The following CACNA1H variants were observed in gnomAD, a reference collection of about 807,000 sequenced individuals.
CACNA1H encodes voltage-dependent T-type calcium channel subunit alpha-1H.
In CACNA1H, 149 loss-of-function variants were observed where a neutral mutation model predicts 192.5. The observed-to-expected ratio is 0.77, with a 90% CI of 0.68 to 0.89. The LOEUF (loss-of-function observed/expected upper bound fraction) is 0.89. Among genes scored for constraint, CACNA1H ranks in the 40% least tolerant of loss-of-function variants. CACNA1H has a pLI of 0.00. For synonymous variants in CACNA1H, 2,202 were observed against 1,475.2 expected (o/e 1.49, Z -11.29); for missense variants, 4,257 against 3,423.5 (o/e 1.24, Z -6.08).
intron 2 of CACNA1H, among the ~76,000 whole-genome samples, chr16:1,166,429 G>A (rs1438402939): frequency 6.6e-6 from 1 of 152,216 alleles, no homozygotes; most frequent in African/African-American, 2.4e-5. Flanking sequence ...TGGCCAGCCC[G>A]GCACCAACTC....
intron 2 of CACNA1H, among the ~76,000 whole-genome samples, chr16:1,154,981 C>G (rs1181468115): frequency 6.6e-6 from 1 of 152,188 alleles, no homozygotes; most frequent in Non-Finnish European, 1.5e-5. Flanking sequence ...GCTTCTGCTC[C>G]GGGCCTGGGG....
Position 1,154,027 on chromosome 16 carries a change from T to TGC in CACNA1H, c.290_291insGC (p.Cys98ProfsTer9). 8.5e-7 allele frequency: 1 copy of TGC among 1,182,508 alleles called. No individual in the cohort carries two copies. Among genetic ancestry groups the TGC allele is most frequent in the Non-Finnish European group, 1.1e-6 (1 of 938,210 alleles). 73.3% of individuals were successfully genotyped at this position (1,182,508 alleles called of 1,614,324 possible). ...CCGCGCAGCTGGTGCCTCCGGCTGG[T>TGC]CTGCAACCCATATCCTTCCCGGCCG... On this transcript the variant is annotated frameshift_variant, in exon 2 of 35. Transcript: ENST00000348261. LOFTEE classifies it high-confidence loss of function.
At chr16:1,216,020 G>T (rs2738890) in intron 30 of CACNA1H, among the ~76,000 whole-genome samples, 14,146 of 150,124 alleles carry the variant, frequency 0.094, 904 homozygotes, top group South Asian at 0.24. Flanking sequence ...CCCCTGCCCA[G>T]ATCCTTTCTG....
rs1968884416 is a variant in CACNA1H, at chr16:1,207,528, G to T, written c.3063+98G>T. On this transcript the variant is annotated intron_variant, in intron 14 of 34. Coordinates refer to ENST00000348261, the MANE Select transcript of CACNA1H (RefSeq NM_021098.3). ...GGGTGTGGGGGGCCTGCCAAGAGGT[G>T]AGGGATAGAGAAGGGAAGCTGGCTG... is the stretch of plus-strand genomic sequence containing the variant. The T allele has an allele frequency of 6.1e-6, 8 of 1,313,624 alleles. No homozygotes were observed. The South Asian group carries it at 1.1e-4, about 17-fold the overall frequency. 81.4% of individuals were successfully genotyped at this position (1,313,624 alleles called of 1,614,324 possible).
chr16:1,164,448 C>T (rs1329266936), intron 2 of CACNA1H, among the ~76,000 whole-genome samples: 1 of 152,242 alleles, frequency 6.6e-6, no homozygotes, highest in African/African-American at 2.4e-5. Context: ...CCTCCTGCCT[C>T]AGCCTCCCCA....
At chr16:1,218,679 C>G (rs1217914921) in intron 33 of CACNA1H, 28 bp downstream of exon 33, 2 of 1,333,358 alleles carry the variant, frequency 1.5e-6, no homozygotes, top group Non-Finnish European at 2.0e-6. Flanking sequence ...AAGATATGGG[C>G]TGGGTGGGAA....
At chr16:1,172,990 G>T (rs974281999) in intron 2 of CACNA1H, among the ~76,000 whole-genome samples, 1 of 152,104 alleles carries the variant, frequency 6.6e-6, no homozygotes, top group Non-Finnish European at 1.5e-5. Context: ...CTGGGAGGGA[G>T]GGGAGGGGTG....
chr16:1,212,347 C>T (rs1969553608), intron 25 of CACNA1H, among the ~76,000 whole-genome samples, 164 bp from the exon 26 acceptor site: 1 of 152,238 alleles, frequency 6.6e-6, no homozygotes, highest in Admixed American at 6.5e-5. Flanking sequence ...GGAGACACCC[C>T]CAACCCCATC....
At chr16:1,178,621 G>A (rs911940417) in intron 2 of CACNA1H, among the ~76,000 whole-genome samples, 2 of 152,122 alleles carry the variant, frequency 1.3e-5, no homozygotes, top group African/African-American at 4.8e-5. Context: ...GAGAGTGAGC[G>A]TCTGTTGCTT....
At chr16:1,178,407 T>G (rs1965133652) in intron 2 of CACNA1H, among the ~76,000 whole-genome samples, 1 of 144,958 alleles carries the variant, frequency 6.9e-6, no homozygotes, top group Non-Finnish European at 1.5e-5. Context: ...TATCTCAGAG[T>G]CCTAACCCAC....
At chr16:1,218,166 G>GC (rs1567554560) in intron 32 of CACNA1H, 44 bp from the exon 33 acceptor site, 2 of 1,536,026 alleles carry the variant, frequency 1.3e-6, no homozygotes, top group Admixed American at 3.9e-5. Flanking sequence ...GGTGGCACCC[G>GC]CGGGTGGGTG....
intron 30 of CACNA1H, 40 bp from the exon 31 acceptor site, chr16:1,216,892 G>T (rs1163063474): frequency 1.9e-6 from 3 of 1,539,026 alleles, no homozygotes; most frequent in Non-Finnish European, 1.8e-6. Context: ...AGGCCTCCCT[G>T]CCCGCCCGTC....
At position 1,202,392 on chromosome 16, in the gene CACNA1H, C is replaced by G. The variant is rs373669637; in HGVS notation, c.1942C>G (p.Pro648Ala). 7 of 1,546,084 alleles carry G rather than the reference C, an allele frequency of 4.5e-6. No individual in the cohort carries two copies. In the East Asian group the frequency reaches 1.7e-4, roughly 38 times the overall value. The change falls in exon 9 of 35, where the codon CCG (proline) becomes GCG (alanine). Residue 648 changes from proline to alanine, a missense_variant. Pro to Ala is a conservative substitution (Grantham distance 27). Transcript: ENST00000348261. Reference sequence around the variant, plus strand: ...ACCGCCAGGCACCGGGGGGCACGGCCCGTTGAGCTTGAACAGCCCTGATCC... The same window carrying G: ...ACCGCCAGGCACCGGGGGGCACGGCGCGTTGAGCTTGAACAGCCCTGATCC... ...GGPPGTGGHGPLSLNSPDPYE... is the reference protein window; with the variant it reads ...GGPPGTGGHGALSLNSPDPYE...
Position 1,200,450 on chromosome 16 carries a change from C to G in CACNA1H, c.998C>G (p.Ala333Gly). ...TQPQAEGVGA[A>G]RNACINWNQY... Reference sequence around the variant, plus strand: ...CCGCAGGCCGAGGGGGTGGGCGCTGCACGCAACGCCTGCATCAACTGGAAC... The same window carrying G: ...CCGCAGGCCGAGGGGGTGGGCGCTGGACGCAACGCCTGCATCAACTGGAAC... Residue 333 changes from alanine to glycine, a missense_variant, in exon 7 of 35, where the codon GCA (alanine) becomes GGA (glycine). Transcript: ENST00000348261. 1 of 1,611,498 alleles carries G rather than the reference C, an allele frequency of 6.2e-7. No individual in the cohort carries two copies. The highest frequency in any genetic ancestry group is 1.3e-5 in the African/African-American group (1 of 75,032).
chr16:1,165,216 C>A (rs527363442), intron 2 of CACNA1H, among the ~76,000 whole-genome samples: 1 of 152,072 alleles, frequency 6.6e-6, no homozygotes, highest in Non-Finnish European at 1.5e-5. Context: ...AGAGAGCACA[C>A]GAGGCACAGG....
At chr16:1,201,085 C>T (rs1445361608) in intron 8 of CACNA1H, among the ~76,000 whole-genome samples, 2 of 152,140 alleles carry the variant, frequency 1.3e-5, no homozygotes, top group Non-Finnish European at 2.9e-5. Context: ...GCACCGCTTT[C>T]CACGGGCGTG....
At chr16:1,162,489 G>A (rs573441589) in intron 2 of CACNA1H, among the ~76,000 whole-genome samples, 10 of 152,226 alleles carry the variant, frequency 6.6e-5, no homozygotes, top group South Asian at 2.1e-4. Flanking sequence ...AGGCTCCTCC[G>A]ATGAGGAGCA....
rs1184994482 is a variant in CACNA1H, at chr16:1,208,130, C to T, written c.3272C>T (p.Ser1091Leu). Reference sequence around the variant, plus strand: ...ACGCCCATGCCTACCCCCAAGAGCTCACCATTCCTGGATGCAGCCCCCAGC... The same window carrying T: ...ACGCCCATGCCTACCCCCAAGAGCTTACCATTCCTGGATGCAGCCCCCAGC... ...AATPMPTPKS[S>L]PFLDAAPSLP... The change falls in exon 16 of 35, where the codon TCA becomes TTA. Residue 1091 changes from serine to leucine, a missense_variant. Coordinates refer to ENST00000348261, the MANE Select transcript of CACNA1H (RefSeq NM_021098.3). 2 of 1,591,846 alleles carry T rather than the reference C, an allele frequency of 1.3e-6. No homozygotes were observed. The highest frequency in any genetic ancestry group is 1.7e-6 in the Non-Finnish European group (2 of 1,170,584).
intron 12 of CACNA1H, 78 bp downstream of exon 12, chr16:1,206,367 C>A: frequency 7.1e-7 from 1 of 1,400,742 alleles, no homozygotes. Context: ...GGGCACCCCC[C>A]GAAGGAGAAG....
Sources: gnomAD v4.1 joint callset for allele counts (sites outside exome capture counted in the v4.1 genomes callset) on GRCh38, gnomAD v4.1.1 for gene constraint, MANE v1.5 for transcripts, NCBI Gene and HGNC (gene_info 2026-07-23, HGNC 2026-07-21) for gene names.